Variants in RALGPS1 observed in about 807,000 individuals in gnomAD.
RALGPS1 encodes Ral GEF with PH domain and SH3 binding motif 1, also known as ras-specific guanine nucleotide-releasing factor RalGPS1.
A neutral mutation model predicts 78.8 loss-of-function variants in RALGPS1; 19 were observed. That is an observed-to-expected ratio of 0.24 (90% CI 0.17 to 0.35). The LOEUF (loss-of-function observed/expected upper bound fraction) is 0.35. Among genes scored for constraint, RALGPS1 ranks in the 10% least tolerant of loss-of-function variants. The probability of loss-of-function intolerance (pLI) is 1.00; values close to 1 mark genes in which losing one functional copy is unlikely to be tolerated. For synonymous variants in RALGPS1, 228 were observed against 256.3 expected (o/e 0.89, Z 1.06); for missense variants, 454 against 688.3 (o/e 0.66, Z 3.81).
At chr9:126,946,177 G>A (rs2037247217) in intron 1 of RALGPS1, among the ~76,000 whole-genome samples, 1 of 152,072 alleles carries the variant, frequency 6.6e-6, no homozygotes, top group Non-Finnish European at 1.5e-5. Context: ...CCAGGACAGA[G>A]ACAGTACCCC....
chr9:127,192,645 C>T (rs996257470), intron 11 of RALGPS1, among the ~76,000 whole-genome samples: 7 of 151,912 alleles, frequency 4.6e-5, no homozygotes, highest in Non-Finnish European at 1.0e-4. Flanking sequence ...GTGACAGGGC[C>T]AGACCCTGTG....
intron 7 of RALGPS1, among the ~76,000 whole-genome samples, chr9:127,063,770 A>G (rs180869731): frequency 6.6e-6 from 1 of 152,358 alleles, no homozygotes; most frequent in East Asian, 1.9e-4. Context: ...CTCATCACAT[A>G]GTTTAACGTA....
rs894704357 is a variant in RALGPS1, at chr9:127,121,404, C to T, written c.611-44665C>T. Among the ~76,000 whole-genome samples the T allele has an allele frequency of 3.9e-5, 6 of 152,306 alleles. 1 individual carries two copies. The highest frequency in any genetic ancestry group is 3.3e-4 in the Admixed American group (5 of 15,294). On this transcript the variant is annotated intron_variant, in intron 8 of 18. Coordinates refer to ENST00000259351, the MANE Select transcript of RALGPS1 (RefSeq NM_014636.3). ...AAAATACATGTGGGGAGCATTTGGC[C>T]GGCTTTGGAAGTGGCATTCTCAATT...
chr9:127,170,148 A>G (rs922148445), intron 10 of RALGPS1, among the ~76,000 whole-genome samples: 1 of 152,184 alleles, frequency 6.6e-6, no homozygotes, highest in African/African-American at 2.4e-5. Context: ...TGAAAACTGT[A>G]GAGAACTGTA....
At chr9:126,982,467 A>G (rs974154663) in intron 4 of RALGPS1, among the ~76,000 whole-genome samples, 1 of 152,260 alleles carries the variant, frequency 6.6e-6, no homozygotes, top group East Asian at 1.9e-4. Flanking sequence ...GAGATAATGC[A>G]TATAGAGTAC....
chr9:127,178,134 C>A, intron 11 of RALGPS1: 1 of 845,820 alleles, frequency 1.2e-6, no homozygotes, highest in Non-Finnish European at 1.7e-6. Flanking sequence ...GGATGATTGG[C>A]TGTGCAGGGT....
At chr9:127,137,897 C>T (rs958360144) in intron 8 of RALGPS1, among the ~76,000 whole-genome samples, 1 of 152,164 alleles carries the variant, frequency 6.6e-6, no homozygotes, top group Non-Finnish European at 1.5e-5. Context: ...AGCCCAGGTC[C>T]CTCATCTGTA....
At chr9:127,182,478 G>A (rs1235766989) in intron 11 of RALGPS1, among the ~76,000 whole-genome samples, 1 of 146,174 alleles carries the variant, frequency 6.8e-6, no homozygotes, top group Non-Finnish European at 1.5e-5. Flanking sequence ...CACCCAGGCT[G>A]GAGTGCAGTG....
intron 4 of RALGPS1, among the ~76,000 whole-genome samples, chr9:127,032,123 G>A (rs1319184430): frequency 6.6e-6 from 1 of 152,186 alleles, no homozygotes; most frequent in African/African-American, 2.4e-5. Flanking sequence ...TCACGTGCTA[G>A]GTGCTTTGCA....
intron 8 of RALGPS1, among the ~76,000 whole-genome samples, chr9:127,071,757 CAG>C (rs1028001172): frequency 6.6e-6 from 1 of 152,008 alleles, no homozygotes; most frequent in African/African-American, 2.4e-5. Flanking sequence ...TTATTTAAGA[CAG>C]TGTTTTTTTC....
rs2062700401 is a variant in RALGPS1 at position 127,218,883 on chromosome 9, C to T, written c.*114C>T. Reference sequence around the variant, plus strand: ...AGCCAGGGTGCTGGGAAACTCACAGCTGGACTCAGGGGACACGGCCTGTGG... The same window carrying T: ...AGCCAGGGTGCTGGGAAACTCACAGTTGGACTCAGGGGACACGGCCTGTGG... On this transcript the variant is annotated 3_prime_UTR_variant, in exon 19 of 19. Coordinates refer to ENST00000259351, the MANE Select transcript of RALGPS1 (RefSeq NM_014636.3). This position sits in a 1 kb window ranked among gnomAD's most constrained non-coding sequence, Gnocchi z 4.4. The T allele has an allele frequency of 9.6e-6, 12 of 1,253,454 alleles. No homozygotes were observed. The Admixed American group carries it at 2.0e-4, about 21-fold the overall frequency. The allele number at this position is 1,253,454 out of a possible 1,614,324, so 77.6% of individuals were successfully genotyped here.
intron 8 of RALGPS1, among the ~76,000 whole-genome samples, chr9:127,084,321 GGA>G (rs940769349): frequency 3.3e-5 from 5 of 152,144 alleles, no homozygotes; most frequent in Non-Finnish European, 5.9e-5. Flanking sequence ...GAGGAAGAAG[GGA>G]GAGAGAACGG....
At chr9:126,941,630 G>A (rs1193003749) in intron 1 of RALGPS1, among the ~76,000 whole-genome samples, 1 of 152,100 alleles carries the variant, frequency 6.6e-6, no homozygotes, top group African/African-American at 2.4e-5. Context: ...GGGGTTTTGG[G>A]TTTTTTCTTC....
At chr9:127,000,435 A>C (rs1230943800) in intron 4 of RALGPS1, among the ~76,000 whole-genome samples, 2 of 139,600 alleles carry the variant, frequency 1.4e-5, no homozygotes, top group Admixed American at 7.2e-5. Flanking sequence ...TTTCCTTTTG[A>C]TTTCTTTTTG....
intron 18 of RALGPS1, among the ~76,000 whole-genome samples, chr9:127,215,662 G>T (rs1471080503): frequency 6.6e-6 from 1 of 152,084 alleles, no homozygotes; most frequent in Non-Finnish European, 1.5e-5. Flanking sequence ...CCACTTCCCT[G>T]GTAACCCCTG....
chr9:127,044,724 G>T (rs1171916424), intron 5 of RALGPS1, among the ~76,000 whole-genome samples: 4 of 152,074 alleles, frequency 2.6e-5, no homozygotes. Context: ...CTCAGCCTTT[G>T]CCACACTCTC....
At position 127,122,489 on chromosome 9, in the gene RALGPS1, G is replaced by T. The variant is rs1002390306; in HGVS notation, c.611-43580G>T. 1.8e-4 allele frequency: 28 copies of T among 152,544 alleles called. No homozygotes were observed. The highest frequency in any genetic ancestry group is 6.5e-4 in the African/African-American group (27 of 41,460). 9.4% of individuals were successfully genotyped at this position (152,544 alleles called of 1,614,324 possible). On this transcript the variant is annotated intron_variant, in intron 8 of 18. Coordinates refer to ENST00000259351, the MANE Select transcript of RALGPS1 (RefSeq NM_014636.3). This position sits in a 1 kb window ranked among gnomAD's most constrained non-coding sequence, Gnocchi z 6.4. ...TGCCTCCACAGAGGGCTCCGGCAGA[G>T]GCTGGGGCCAGGGCTGGCCAGGGGT...
At chr9:127,190,064 T>C (rs547516983) in intron 11 of RALGPS1, among the ~76,000 whole-genome samples, 2 of 152,310 alleles carry the variant, frequency 1.3e-5, no homozygotes, top group African/African-American at 2.4e-5. Flanking sequence ...TCACCACATA[T>C]TTCTTTAAGT....
intron 7 of RALGPS1, among the ~76,000 whole-genome samples, chr9:127,064,158 G>C (rs1489441512): frequency 6.6e-6 from 1 of 152,208 alleles, no homozygotes; most frequent in Non-Finnish European, 1.5e-5. Context: ...TAGACTTAGT[G>C]AAATGTTCTT....
Sources: gnomAD v4.1 joint callset for allele counts (sites outside exome capture counted in the v4.1 genomes callset) on GRCh38, gnomAD v4.1.1 for gene constraint, Gnocchi (gnomAD v3.1) non-coding constraint, MANE v1.5 for transcripts, NCBI Gene and HGNC (gene_info 2026-07-23, HGNC 2026-07-21) for gene names.